The following SCFD2 variants were observed in gnomAD, a reference collection of about 807,000 sequenced individuals.
SCFD2 encodes sec1 family domain containing 2, also known as sec1 family domain-containing protein 2.
A neutral mutation model predicts 58.9 loss-of-function variants in SCFD2; 54 were observed. That is an observed-to-expected ratio of 0.92 (90% CI 0.74 to 1.15). The LOEUF is 1.15. Among genes scored for constraint, SCFD2 ranks in the 50% most tolerant of loss-of-function variants. The probability of loss-of-function intolerance (pLI) is 0.00; values close to 1 mark genes in which losing one functional copy is unlikely to be tolerated. For synonymous variants in SCFD2, 321 were observed against 335.9 expected (o/e 0.96, Z 0.49); for missense variants, 805 against 836.6 (o/e 0.96, Z 0.47).
rs151210370 is a variant in SCFD2 at position 53,269,808 on chromosome 4, A to G, written c.1311+4018T>C. The stretch of plus-strand genomic sequence containing the variant: ...GGGAGGCCAAGGCGGGCAGATCACT[A>G]GAGATCAGAAGTTCGAGACCAGCAT... On this transcript the variant is annotated intron_variant, in intron 4 of 8. Transcript: ENST00000401642. 7.6e-3 allele frequency among the ~76,000 whole-genome samples: 1,165 copies of G among 152,306 alleles called. 11 individuals are homozygous for G. Among genetic ancestry groups the G allele is most frequent in the African/African-American group, 0.027 (1,121 of 41,578 alleles).
chr4:53,014,829 T>C (rs530282505), intron 5 of SCFD2, among the ~76,000 whole-genome samples: 2 of 152,332 alleles, frequency 1.3e-5, no homozygotes, highest in South Asian at 2.1e-4. Context: ...AAAAAAACAG[T>C]GTCCTACATA....
chr4:53,268,455 A>G (rs773065848), intron 4 of SCFD2, among the ~76,000 whole-genome samples: 1 of 152,144 alleles, frequency 6.6e-6, no homozygotes, highest in Non-Finnish European at 1.5e-5. Flanking sequence ...GCAGGTGACA[A>G]AAGGTATCCA....
rs78798116 is a variant in SCFD2 at position 52,873,589 on chromosome 4, G to A, written c.*380C>T. On this transcript the variant is annotated 3_prime_UTR_variant, in exon 9 of 9. Transcript: ENST00000401642. ...AATTCTAAAGCATGTCTAACTTCTC[G>A]AGCAACTTCAAATAAAAAGAGTTGT... 948 of 161,362 alleles carry A rather than the reference G, an allele frequency of 5.9e-3. 5 individuals are homozygous for A. The highest frequency in any genetic ancestry group is 9.6e-3 in the Non-Finnish European group (716 of 74,208). The allele number at this position is 161,362 out of a possible 1,614,324, so 10.0% of individuals were successfully genotyped here.
intron 5 of SCFD2, among the ~76,000 whole-genome samples, chr4:53,101,284 C>T (rs558686540): frequency 9.2e-5 from 14 of 152,270 alleles, no homozygotes; most frequent in African/African-American, 2.9e-4. Context: ...GAGATTGGGG[C>T]TTCTCTCTGG....
intron 5 of SCFD2, among the ~76,000 whole-genome samples, chr4:52,970,160 G>A (rs1014340399): frequency 5.3e-5 from 8 of 152,184 alleles, no homozygotes; most frequent in African/African-American, 1.9e-4. Context: ...GGGAGTGTTG[G>A]AAAGTGGGTG....
intron 4 of SCFD2, among the ~76,000 whole-genome samples, chr4:53,169,574 T>C (rs1489980656): frequency 1.3e-5 from 2 of 152,092 alleles, no homozygotes; most frequent in African/African-American, 2.4e-5. Flanking sequence ...CAAAGTGGTA[T>C]TGCTGGATAA....
At chr4:53,245,306 G>T (rs1273949168) in intron 4 of SCFD2, among the ~76,000 whole-genome samples, 2 of 151,984 alleles carry the variant, frequency 1.3e-5, no homozygotes, top group South Asian at 4.1e-4. Context: ...ATCAAAAAAA[G>T]GGGAAAACTT....
intron 2 of SCFD2, among the ~76,000 whole-genome samples, chr4:53,348,038 A>G (rs1273272481): frequency 1.3e-5 from 2 of 152,230 alleles, no homozygotes; most frequent in Non-Finnish European, 2.9e-5. Flanking sequence ...GAAAACATAA[A>G]AGCAGAAAAG....
At chr4:53,276,993 T>G (rs1731346857) in intron 3 of SCFD2, among the ~76,000 whole-genome samples, 1 of 152,232 alleles carries the variant, frequency 6.6e-6, no homozygotes, top group African/African-American at 2.4e-5. Context: ...TGGTCAAATC[T>G]TTTGCTCATT....
intron 1 of SCFD2, among the ~76,000 whole-genome samples, chr4:53,363,914 A>G (rs1159430875): frequency 1.3e-5 from 2 of 152,090 alleles, no homozygotes; most frequent in Non-Finnish European, 2.9e-5. Context: ...GTTTTGCCTA[A>G]CAGAAGTCTT....
Position 53,203,453 on chromosome 4 carries a change from C to G in SCFD2, c.1312-57871G>C, listed in dbSNP as rs554573979. Among the ~76,000 whole-genome samples, 260 of 151,080 alleles carry G rather than the reference C, an allele frequency of 1.7e-3. 1 individual carries two copies. The highest frequency in any genetic ancestry group is 3.1e-3 in the Non-Finnish European group (209 of 67,812). On this transcript the variant is annotated intron_variant, in intron 4 of 8. Coordinates refer to ENST00000401642, the MANE Select transcript of SCFD2 (RefSeq NM_152540.4). Reference sequence around the variant, plus strand: ...AATTTTCGATCAAAGAAAGAAAGATCAAATGAAACATAGAAAAATAAATAC... The same window carrying G: ...AATTTTCGATCAAAGAAAGAAAGATGAAATGAAACATAGAAAAATAAATAC...
At chr4:53,273,761 A>C in intron 4 of SCFD2, 65 bp downstream of exon 4, 1 of 1,375,310 alleles carries the variant, frequency 7.3e-7, no homozygotes. Context: ...ATAAATGTCA[A>C]GGTTTTTCTC....
chr4:52,897,453 T>C (rs1321301291), intron 7 of SCFD2, among the ~76,000 whole-genome samples: 1 of 152,240 alleles, frequency 6.6e-6, no homozygotes, highest in Non-Finnish European at 1.5e-5. Flanking sequence ...ATAGGCTGGA[T>C]TAAGTTTATT....
chr4:53,089,579 C>A (rs192155160), intron 5 of SCFD2, among the ~76,000 whole-genome samples: 2 of 152,064 alleles, frequency 1.3e-5, no homozygotes, highest in African/African-American at 4.8e-5. Flanking sequence ...GTAAAAGAGA[C>A]AAATAACTAT....
chr4:53,256,756 T>A (rs1447481806), intron 4 of SCFD2, among the ~76,000 whole-genome samples: 2 of 151,492 alleles, frequency 1.3e-5, no homozygotes, highest in African/African-American at 4.9e-5. Context: ...GGGCAGGCAC[T>A]CGGCAGGCTG....
intron 4 of SCFD2, among the ~76,000 whole-genome samples, chr4:53,181,089 G>A (rs1727536473): frequency 6.6e-6 from 1 of 152,138 alleles, no homozygotes; most frequent in Non-Finnish European, 1.5e-5. Flanking sequence ...AGAGGACCTG[G>A]TACCATTCCT....
At chr4:53,003,368 A>G (rs892026710) in intron 5 of SCFD2, among the ~76,000 whole-genome samples, 1 of 152,232 alleles carries the variant, frequency 6.6e-6, no homozygotes, top group Non-Finnish European at 1.5e-5. Flanking sequence ...TGTACATATG[A>G]AGTAATAAAA....
chr4:52,947,486 G>T (rs958166093), intron 5 of SCFD2, among the ~76,000 whole-genome samples: 1 of 152,134 alleles, frequency 6.6e-6, no homozygotes, highest in Non-Finnish European at 1.5e-5. Context: ...GAGAGCATAT[G>T]GTTAAGAATA....
chr4:52,961,943 C>G (rs1720861557), intron 5 of SCFD2, among the ~76,000 whole-genome samples: 1 of 152,096 alleles, frequency 6.6e-6, no homozygotes, highest in Admixed American at 6.5e-5. Context: ...AAAAGGGAGG[C>G]TTGGAATGAC....
Sources: gnomAD v4.1 joint callset for allele counts (sites outside exome capture counted in the v4.1 genomes callset) on GRCh38, gnomAD v4.1.1 for gene constraint, MANE v1.5 for transcripts, NCBI Gene and HGNC (gene_info 2026-07-23, HGNC 2026-07-21) for gene names.